Variants in RAB3C observed in about 807,000 individuals in gnomAD.
RAB3C encodes the protein ras-related protein Rab-3C.
A neutral mutation model predicts 26.4 loss-of-function variants in RAB3C; 17 were observed. That is an observed-to-expected ratio of 0.64 (90% CI 0.44 to 0.97). RAB3C has a LOEUF of 0.97. Ranked by LOEUF, RAB3C falls within the 50% of genes least tolerant of loss-of-function variation. The pLI is 0.00. For missense variants in RAB3C, 242 were observed against 281.9 expected (o/e 0.86, Z 1.01); for synonymous variants, 91 against 95.9 (o/e 0.95, Z 0.30).
rs149322820 is a variant in RAB3C, at chr5:58,719,396, T to C, written c.253-6606T>C. ...AGTGAGACTATGTCTGACTTCTCCA[T>C]AGACCACCTTGAATTTTCTGTAGTT... On this transcript the variant is annotated intron_variant, in intron 2 of 4. Coordinates refer to ENST00000282878, the MANE Select transcript of RAB3C (RefSeq NM_138453.4). Among the ~76,000 whole-genome samples the C allele has an allele frequency of 7.8e-3, 1,179 of 152,108 alleles. 8 individuals are homozygous for C. The highest frequency in any genetic ancestry group is 0.014 in the Middle Eastern group (4 of 294).
chr5:58,611,965 C>T (rs1209322852), intron 1 of RAB3C, among the ~76,000 whole-genome samples: 1 of 152,140 alleles, frequency 6.6e-6, no homozygotes, highest in African/African-American at 2.4e-5. Flanking sequence ...CCCGTTCTCC[C>T]AGCACCATTT....
At chr5:58,817,953 T>C (rs1400362717) in intron 3 of RAB3C, among the ~76,000 whole-genome samples, 2 of 152,222 alleles carry the variant, frequency 1.3e-5, no homozygotes, top group Non-Finnish European at 2.9e-5. Flanking sequence ...GGGAAATGGA[T>C]GCAGTAGAGC....
intron 2 of RAB3C, among the ~76,000 whole-genome samples, chr5:58,663,171 G>A (rs1271524673): frequency 1.3e-5 from 2 of 149,628 alleles, no homozygotes; most frequent in Admixed American, 6.6e-5. Context: ...AAGAATCCAG[G>A]CATTCCTTCG....
chr5:58,702,377 T>A (rs1748862907), intron 2 of RAB3C, among the ~76,000 whole-genome samples: 1 of 152,216 alleles, frequency 6.6e-6, no homozygotes, highest in Non-Finnish European at 1.5e-5. Flanking sequence ...TTTTCTTTCA[T>A]GCCTCATGCA....
Sources: allele counts gnomAD v4.1 joint callset (sites outside exome capture counted in the v4.1 genomes callset), GRCh38; gene constraint gnomAD v4.1.1; transcripts MANE v1.5; gene names NCBI Gene and HGNC (gene_info 2026-07-23, HGNC 2026-07-21).